Variants in CTSD observed in about 807,000 individuals in gnomAD.
CTSD encodes the protein ceroid-lipofuscinosis, neuronal 10.
Under a neutral mutation model 43.6 loss-of-function variants are expected in CTSD, and 28 were observed. The ratio of observed to expected loss-of-function variants is 0.64; its 90% CI spans 0.48 to 0.88. The LOEUF (loss-of-function observed/expected upper bound fraction) is 0.88. Among genes scored for constraint, CTSD ranks in the 40% least tolerant of loss-of-function variants. CTSD has a pLI of 0.00. For synonymous variants in CTSD, 270 were observed against 249.8 expected (o/e 1.08, Z -0.76); for missense variants, 485 against 555.2 (o/e 0.87, Z 1.27).
rs1010417289 is a variant in CTSD, at chr11:1,754,210, G to A, written c.828-72C>T. On this transcript the variant is annotated intron_variant, in intron 6 of 8. Coordinates refer to ENST00000236671, the MANE Select transcript of CTSD (RefSeq NM_001909.5). Reference sequence around the variant, plus strand: ...CCTGGGGGCCCAGTGCCCCTCCCTGGGAGCCCCTCCCCTGGCTGGGCTGCA... The same window carrying A: ...CCTGGGGGCCCAGTGCCCCTCCCTGAGAGCCCCTCCCCTGGCTGGGCTGCA... The A allele has an allele frequency of 8.4e-6, 13 of 1,547,886 alleles. No homozygotes were observed. The Admixed American group carries it at 1.3e-4, about 15-fold the overall frequency.
rs149019571 is a variant in CTSD at position 1,753,677 on chromosome 11, C to A, written c.1072-7G>T. ...TCTTCCCGGCCTGCGACACCTGGGA[C>A]GGCCCTGGTGGTCAGTACCCAGGCC... is the stretch of plus-strand genomic sequence containing the variant. On this transcript the variant is annotated splice_region_variant and splice_polypyrimidine_tract_variant and intron_variant, in intron 8 of 8. Coordinates refer to ENST00000236671, the MANE Select transcript of CTSD (RefSeq NM_001909.5). 1 of 1,612,644 alleles carries A rather than the reference C, an allele frequency of 6.2e-7. No homozygotes were observed. Among genetic ancestry groups the A allele is most frequent in the Non-Finnish European group, 8.5e-7 (1 of 1,179,778 alleles).
chr11:1,761,714 G>A lies in CTSD; in HGVS notation c.69-246C>T, dbSNP rs140476371. On this transcript the variant is annotated intron_variant, in intron 1 of 8. Transcript: ENST00000236671. ...AAGTGGTCACCCGCCACCCACCTCAGCCCCACACACCCAACCTGGGGGCCA... is the reference window on the plus strand; with the variant it reads ...AAGTGGTCACCCGCCACCCACCTCAACCCCACACACCCAACCTGGGGGCCA... The A allele has an allele frequency of 2.1e-4, 123 of 574,400 alleles. 1 individual carries two copies. The East Asian group carries it at 3.8e-3, about 18-fold the overall frequency. The allele number at this position is 574,400 out of a possible 1,614,324, so 35.6% of individuals were successfully genotyped here.
chr11:1,756,869 C>T (rs1485677226), intron 5 of CTSD, among the ~76,000 whole-genome samples: 1 of 152,182 alleles, frequency 6.6e-6, no homozygotes, highest in Non-Finnish European at 1.5e-5. Flanking sequence ...GCCGGGGACC[C>T]ATACGCACCC....
intron 1 of CTSD, among the ~76,000 whole-genome samples, chr11:1,763,214 C>T (rs1161689208): frequency 1.3e-5 from 2 of 152,172 alleles, no homozygotes; most frequent in African/African-American, 4.8e-5. Context: ...CAACCCCAGG[C>T]CCGGGGTGGG....
At chr11:1,760,312 C>T (rs1435700911) in intron 2 of CTSD, 1 of 152,504 alleles carries the variant, frequency 6.6e-6, no homozygotes, top group African/African-American at 2.4e-5. Context: ...CAGGCAAGTA[C>T]AAGGGGTCCC....
intron 1 of CTSD, chr11:1,762,093 C>G (rs975960098): frequency 5.8e-6 from 1 of 171,072 alleles, no homozygotes; most frequent in Non-Finnish European, 1.3e-5. Flanking sequence ...CTGTGGCTGC[C>G]CAGTGCCCTC....
chr11:1,763,517 GGTCA>G, intron 1 of CTSD: 1 of 435,032 alleles, frequency 2.3e-6, no homozygotes, highest in East Asian at 4.1e-5. Context: ...GGGAGGCTGC[GGTCA>G]GTCTGCAGTC....
At chr11:1,763,537 G>A in intron 1 of CTSD, 2 of 482,610 alleles carry the variant, frequency 4.1e-6, no homozygotes, top group Non-Finnish European at 3.7e-6. Flanking sequence ...CAGTCCTCAA[G>A]GTACAACCCA....
chr11:1,755,928 A>C (rs1845803853), intron 5 of CTSD, among the ~76,000 whole-genome samples: 2 of 151,922 alleles, frequency 1.3e-5, no homozygotes, highest in Admixed American at 1.3e-4. Context: ...ACATGCTTTC[A>C]GAAGCCCTCA....
chr11:1,759,152 C>T lies in CTSD; in HGVS notation c.353-65G>A, dbSNP rs866947051. On this transcript the variant is annotated intron_variant, in intron 3 of 8. Coordinates refer to ENST00000236671, the MANE Select transcript of CTSD (RefSeq NM_001909.5). ...GCCCACGCCACGGCCTTAGCCCTCC[C>T]ATCCCCCTACAATCTACCATGGAGC... 14 of 1,234,462 alleles carry T rather than the reference C, an allele frequency of 1.1e-5. No homozygotes were observed. In the Middle Eastern group the frequency reaches 1.2e-3, roughly 103 times the overall value. The allele number at this position is 1,234,462 out of a possible 1,614,324, so 76.5% of individuals were successfully genotyped here. A position where few individuals can be genotyped will look rare whatever the true frequency, so the allele number is the denominator to read the frequency against.
chr11:1,761,174 C>T, intron 2 of CTSD, 135 bp downstream of exon 2: 2 of 916,920 alleles, frequency 2.2e-6, no homozygotes, highest in Non-Finnish European at 3.5e-6. Flanking sequence ...TGTGGCTGAG[C>T]CGGGACGCCA....
chr11:1,755,983 C>T (rs1275042813), intron 5 of CTSD, among the ~76,000 whole-genome samples: 1 of 152,194 alleles, frequency 6.6e-6, no homozygotes, highest in Non-Finnish European at 1.5e-5. Flanking sequence ...AAGCTGCTGC[C>T]TTGAGACTAC....
Position 1,758,539 on chromosome 11 carries a change from G to A in CTSD, c.471+430C>T, listed in dbSNP as rs931915596. On this transcript the variant is annotated intron_variant, in intron 4 of 8. Transcript: ENST00000236671. ...TCCCTTGCCCTCCCAGGCTCCTGCC[G>A]GTGACTCTCCGCCAGCAGCCCCCAC... is the stretch of plus-strand genomic sequence containing the variant. Among the ~76,000 whole-genome samples the A allele has an allele frequency of 5.3e-5, 8 of 152,070 alleles. No homozygotes were observed. In the East Asian group the frequency reaches 5.8e-4, roughly 11 times the overall value.
chr11:1,754,381 G>A (rs560744974), intron 6 of CTSD: 18 of 557,394 alleles, frequency 3.2e-5, no homozygotes, highest in East Asian at 2.1e-4. Context: ...GGATGGAGGG[G>A]CATAGAGGGA....
chr11:1,753,637 C>T lies in CTSD; in HGVS notation c.1105G>A (p.Gly369Ser), dbSNP rs1845755979. The T allele has an allele frequency of 3.7e-6, 6 of 1,612,960 alleles. No individual in the cohort carries two copies. Among genetic ancestry groups the T allele is most frequent in the South Asian group, 1.1e-5 (1 of 91,080 alleles). The change falls in exon 9 of 9, where the codon GGC becomes AGC. Residue 369 changes from glycine (G) to serine (S), a missense_variant. Gly to Ser is a moderately conservative substitution (Grantham distance 56). Transcript: ENST00000236671. ...GGCGGGATGTCCATGCCCATGAAGC[C>T]GCTCAGGCAGAGGGTCTTCCCGGCC... ...SQAGKTLCLSGFMGMDIPPPS... is the reference protein window; with the variant it reads ...SQAGKTLCLSSFMGMDIPPPS...
Position 1,761,420 on chromosome 11 carries a change from A to G in CTSD, c.117T>C (p.Val39=), listed in dbSNP as rs1845875446. The change falls in exon 2 of 9, where the codon GTT becomes GTC. Residue 39 remains valine, a synonymous_variant. Transcript: ENST00000236671. ...CAATCAGGTCCTCCACAGAGCCCCC[A>G]ACCTCCGACATGGTCCGGCGGATGG... ...FTSIRRTMSE[V]GGSVEDLIAK... The G allele has an allele frequency of 6.2e-7, 1 of 1,613,860 alleles. No homozygotes were observed. Among genetic ancestry groups the G allele is most frequent in the South Asian group, 1.1e-5 (1 of 91,086 alleles).
chr11:1,763,775 G>C lies in CTSD; in HGVS notation c.68+17C>G. The C allele has an allele frequency of 6.6e-7, 1 of 1,522,576 alleles. No individual in the cohort carries two copies. The highest frequency in any genetic ancestry group is 8.8e-7 in the Non-Finnish European group (1 of 1,141,642). 94.3% of individuals were successfully genotyped at this position (1,522,576 alleles called of 1,614,324 possible). A position where few individuals can be genotyped will look rare whatever the true frequency, so the allele number is the denominator to read the frequency against. ...CGACCCCTGCCCGTCCCTGAGCCCC[G>C]GCCCCTGAGGCTTCACCTGACGAGC... On this transcript the variant is annotated intron_variant, in intron 1 of 8. Transcript: ENST00000236671.
At chr11:1,754,763 C>A in intron 6 of CTSD, 143 bp downstream of exon 6, 1 of 1,051,208 alleles carries the variant, frequency 9.5e-7, no homozygotes. Context: ...GCATGGAGGG[C>A]TGGTCTGACC....
intron 2 of CTSD, chr11:1,760,845 T>C (rs1845866656): frequency 4.3e-6 from 1 of 233,046 alleles, no homozygotes; most frequent in Non-Finnish European, 8.8e-6. Flanking sequence ...CCCAGCTTGC[T>C]AGGTGGCTTC....
Sources: gnomAD v4.1 joint callset for allele counts (sites outside exome capture counted in the v4.1 genomes callset) on GRCh38, gnomAD v4.1.1 for gene constraint, MANE v1.5 for transcripts, NCBI Gene and HGNC (gene_info 2026-07-23, HGNC 2026-07-21) for gene names.